RPSA2: variants seen among roughly 807,000 people sequenced by gnomAD.
RPSA2 encodes the protein ribosomal protein SA 2.
At chr19:23,775,752 C>T in the RPSA2 span, among the ~76,000 whole-genome samples, 1 of 152,206 alleles carries the variant, frequency 6.6e-6, no homozygotes, top group African/African-American at 2.4e-5. Context: ...TGTGATTCCA[C>T]TAAGGTGACA....
the RPSA2 span, among the ~76,000 whole-genome samples, chr19:23,794,328 A>T: frequency 6.6e-6 from 1 of 152,208 alleles, no homozygotes; most frequent in Non-Finnish European, 1.5e-5. Flanking sequence ...AGCAGTGTAT[A>T]AGTATTCCCT....
the RPSA2 span, among the ~76,000 whole-genome samples, chr19:23,860,348 T>G: frequency 1.3e-5 from 2 of 152,242 alleles, no homozygotes; most frequent in East Asian, 3.8e-4. Context: ...AATCCTGTAC[T>G]TAAACTGCTT....
the RPSA2 span, among the ~76,000 whole-genome samples, chr19:23,849,146 T>G: frequency 6.6e-6 from 1 of 152,204 alleles, no homozygotes; most frequent in African/African-American, 2.4e-5. Flanking sequence ...GTCCAAATTT[T>G]GATATTTCCC....
the RPSA2 span, among the ~76,000 whole-genome samples, chr19:23,859,484 C>T: frequency 8.5e-5 from 13 of 152,066 alleles, no homozygotes; most frequent in African/African-American, 2.9e-4. Context: ...CAAAATTAGC[C>T]AGCGTGGTGG....
At chr19:23,824,203 C>A in the RPSA2 span, among the ~76,000 whole-genome samples, 1 of 152,174 alleles carries the variant, frequency 6.6e-6, no homozygotes, top group East Asian at 1.9e-4. Flanking sequence ...GCTGACCTTG[C>A]AGCTGCATTG....
At chr19:23,831,977 A>G in the RPSA2 span, 1 of 382,898 alleles carries the variant, frequency 2.6e-6, no homozygotes, top group South Asian at 2.5e-5. Flanking sequence ...TACAAATGTA[A>G]AAAATGTGGA....
the RPSA2 span, among the ~76,000 whole-genome samples, chr19:23,870,811 G>A: frequency 2.6e-5 from 4 of 152,164 alleles, no homozygotes; most frequent in Non-Finnish European, 4.4e-5. Flanking sequence ...TTGGGATCCA[G>A]AAGCCTGAGG....
At chr19:23,856,777 G>A in the RPSA2 span, among the ~76,000 whole-genome samples, 19 of 152,284 alleles carry the variant, frequency 1.2e-4, 1 homozygote, top group Middle Eastern at 3.4e-3. Context: ...ATGCCCACCT[G>A]AGCCACAAAA....
chr19:23,828,107 TCA>T, the RPSA2 span: 4 of 532,968 alleles, frequency 7.5e-6, no homozygotes, highest in African/African-American at 1.5e-4. Context: ...AAAATAAACA[TCA>T]GTTTCTAAAA....
At chr19:23,867,835 A>T in the RPSA2 span, among the ~76,000 whole-genome samples, 1 of 151,166 alleles carries the variant, frequency 6.6e-6, no homozygotes, top group Non-Finnish European at 1.5e-5. Flanking sequence ...GTCTCAAAAA[A>T]AAAAAAAAAA....
At chr19:23,822,407 G>T in the RPSA2 span, among the ~76,000 whole-genome samples, 1 of 152,310 alleles carries the variant, frequency 6.6e-6, no homozygotes, top group East Asian at 1.9e-4. Context: ...GCGTTAGGAG[G>T]AGATTCCTGC....
At chr19:23,823,884 T>A in the RPSA2 span, 1 of 152,244 alleles carries the variant, frequency 6.6e-6, no homozygotes, top group South Asian at 2.1e-4. Flanking sequence ...GTCATGGGTC[T>A]CTCCTGGCTT....
At chr19:23,808,272 A>AAT in the RPSA2 span, among the ~76,000 whole-genome samples, 99 of 126,956 alleles carry the variant, frequency 7.8e-4, 5 homozygotes, top group Non-Finnish European at 1.3e-3. Context: ...TACAAAATTA[A>AAT]TTTTTTTTTT....
the RPSA2 span, among the ~76,000 whole-genome samples, chr19:23,829,937 G>C: frequency 6.6e-6 from 1 of 151,954 alleles, no homozygotes; most frequent in East Asian, 1.9e-4. Context: ...ATATAATTAT[G>C]TGTAGCTTTT....
At chr19:23,810,381 G>A in the RPSA2 span, among the ~76,000 whole-genome samples, 21,062 of 117,986 alleles carry the variant, frequency 0.18, 2,509 homozygotes, top group East Asian at 0.52. Flanking sequence ...GTGACAGAGC[G>A]AGACTCCCTC....
the RPSA2 span, among the ~76,000 whole-genome samples, chr19:23,861,619 C>T: frequency 3.3e-5 from 5 of 152,216 alleles, no homozygotes; most frequent in South Asian, 8.3e-4. Flanking sequence ...GTTGAACTCC[C>T]CCTTTTTAAG....
At chr19:23,826,980 G>A in the RPSA2 span, 19 of 606,346 alleles carry the variant, frequency 3.1e-5, no homozygotes, top group South Asian at 5.7e-5. Flanking sequence ...GTGAACCACC[G>A]TGCCTGGGAA....
chr19:23,789,600 C>T, the RPSA2 span, among the ~76,000 whole-genome samples: 1 of 152,150 alleles, frequency 6.6e-6, no homozygotes, highest in Non-Finnish European at 1.5e-5. Context: ...TCCTTAGTCT[C>T]CTCTTTTTGC....
chr19:23,852,671 C>T, the RPSA2 span, among the ~76,000 whole-genome samples: 1 of 152,156 alleles, frequency 6.6e-6, no homozygotes, highest in African/African-American at 2.4e-5. Flanking sequence ...AAACCCACAT[C>T]CTTTCAGCTT....
Sources: gnomAD v4.1 joint callset for allele counts (sites outside exome capture counted in the v4.1 genomes callset) on GRCh38, gnomAD v4.1.1 for gene constraint, MANE v1.5 for transcripts, NCBI Gene and HGNC (gene_info 2026-07-23, HGNC 2026-07-21) for gene names.